FAM117A: variants seen among roughly 807,000 people sequenced by gnomAD.
FAM117A encodes protein FAM117A.
Under a neutral mutation model 44.1 loss-of-function variants are expected in FAM117A, and 21 were observed. The observed-to-expected ratio is 0.48, with a 90% CI of 0.34 to 0.69. The LOEUF is 0.69. FAM117A is among the 30% of genes least tolerant of loss of function. The pLI is 0.01. For missense variants in FAM117A, 498 were observed against 589.9 expected (o/e 0.84, Z 1.61); for synonymous variants, 220 against 238.3 (o/e 0.92, Z 0.71).
At chr17:49,713,949 G>A (rs966859645) in intron 7 of FAM117A, among the ~76,000 whole-genome samples, 2 of 152,252 alleles carry the variant, frequency 1.3e-5, no homozygotes, top group Middle Eastern at 3.4e-3. Context: ...AAGGCCTGGC[G>A]TCCTAGAGAC....
At chr17:49,751,991 C>G (rs911432087) in intron 1 of FAM117A, among the ~76,000 whole-genome samples, 9 of 149,480 alleles carry the variant, frequency 6.0e-5, no homozygotes, top group South Asian at 2.1e-4. Flanking sequence ...TGCAATGGCT[C>G]ACGCCTGCAA....
intron 2 of FAM117A, among the ~76,000 whole-genome samples, chr17:49,723,201 G>A (rs1360223671): frequency 2.0e-5 from 3 of 151,798 alleles, no homozygotes; most frequent in Non-Finnish European, 4.4e-5. Flanking sequence ...CTGCAAATAA[G>A]CAGGAAGGAG....
rs1332698633 is a variant in FAM117A, at chr17:49,732,385, AC to A, written c.366+165del. 8.8e-5 allele frequency: 56 copies of A among 634,462 alleles called. No individual in the cohort carries two copies. The East Asian group carries it at 1.6e-3, about 18-fold the overall frequency. 39.3% of individuals were successfully genotyped at this position (634,462 alleles called of 1,614,324 possible). On this transcript the variant is annotated intron_variant, in intron 2 of 7. Coordinates refer to ENST00000240364, the MANE Select transcript of FAM117A (RefSeq NM_030802.4). ...GCACCACTGCACTCCAGCCTGGGTG[AC>A]AAAAGGAAACTCTGTCTTAAGAAGA... is the stretch of plus-strand genomic sequence containing the variant.
chr17:49,715,602 T>A (rs1221204154), intron 7 of FAM117A, among the ~76,000 whole-genome samples: 2 of 152,168 alleles, frequency 1.3e-5, no homozygotes, highest in Non-Finnish European at 2.9e-5. Context: ...GGTTTGGAAA[T>A]TTTCCATAGT....
chr17:49,783,821 A>G (rs986783740), intron 1 of FAM117A, among the ~76,000 whole-genome samples: 3 of 152,240 alleles, frequency 2.0e-5, no homozygotes, highest in Non-Finnish European at 4.4e-5. Flanking sequence ...TAAAAGGCCA[A>G]GGCATGCTTC....
At chr17:49,715,712 AG>A (rs2073499204) in intron 7 of FAM117A, among the ~76,000 whole-genome samples, 1 of 152,184 alleles carries the variant, frequency 6.6e-6, no homozygotes, top group South Asian at 2.1e-4. Flanking sequence ...CAAACTGTTA[AG>A]CTGTTTAGGC....
At chr17:49,788,962 C>G (rs377390355), upstream of FAM117A, 1 of 977,274 alleles carries the variant, frequency 1.0e-6, no homozygotes. Context: ...CTCCCCCGAA[C>G]CTTGTTCAGC....
chr17:49,768,529 A>T (rs1000032162), upstream of FAM117A, among the ~76,000 whole-genome samples: 3 of 152,144 alleles, frequency 2.0e-5, no homozygotes, highest in Non-Finnish European at 4.4e-5. Context: ...AATAAAACAG[A>T]AAATAAGATG....
At chr17:49,778,026 T>C (rs1393416200) in intron 1 of FAM117A, among the ~76,000 whole-genome samples, 1 of 152,192 alleles carries the variant, frequency 6.6e-6, no homozygotes, top group Non-Finnish European at 1.5e-5. Flanking sequence ...TGGGAGCACA[T>C]GGTAATTGCC....
chr17:49,712,980 A>C (rs1156578627), intron 7 of FAM117A, among the ~76,000 whole-genome samples: 1 of 152,192 alleles, frequency 6.6e-6, no homozygotes. Flanking sequence ...AGGTGCAAGT[A>C]ATCCTCCTGC....
At chr17:49,742,163 T>A (rs1250204209) in intron 1 of FAM117A, among the ~76,000 whole-genome samples, 6 of 152,162 alleles carry the variant, frequency 3.9e-5, no homozygotes, top group African/African-American at 1.4e-4. Context: ...TGTACACACA[T>A]GAAAAACTTC....
In FAM117A at chr17:49,722,492, T is replaced by C. The variant is rs2073539661; in HGVS notation, c.462+7A>G. 1 of 1,612,442 alleles carries C rather than the reference T, an allele frequency of 6.2e-7. No homozygotes were observed. Among genetic ancestry groups the C allele is most frequent in the Non-Finnish European group, 8.5e-7 (1 of 1,179,190 alleles). On this transcript the variant is annotated splice_region_variant and intron_variant, in intron 3 of 7. Coordinates refer to ENST00000240364, the MANE Select transcript of FAM117A (RefSeq NM_030802.4). ...ACCCTAGGCAGGGAGTCAAAGTGGG[T>C]AGCTACCTCTTTTCGGTGGTCTGTG...
At chr17:49,778,463 A>G (rs1239369475) in intron 1 of FAM117A, among the ~76,000 whole-genome samples, 1 of 152,196 alleles carries the variant, frequency 6.6e-6, no homozygotes, top group East Asian at 1.9e-4. Context: ...ATGGATCATG[A>G]TTTCAGCCTC....
intron 1 of FAM117A, among the ~76,000 whole-genome samples, chr17:49,750,998 G>A (rs200039997): frequency 3.3e-5 from 5 of 151,956 alleles, no homozygotes; most frequent in African/African-American, 4.8e-5. Flanking sequence ...GAAAGGTTTC[G>A]GCTGGGTACA....
At chr17:49,738,418 G>C (rs1359058804) in intron 1 of FAM117A, among the ~76,000 whole-genome samples, 1 of 152,090 alleles carries the variant, frequency 6.6e-6, no homozygotes, top group Non-Finnish European at 1.5e-5. Context: ...GAAATAAAAA[G>C]GGGAAAAAAG....
At chr17:49,743,827 G>A (rs575373984) in intron 1 of FAM117A, among the ~76,000 whole-genome samples, 7 of 152,280 alleles carry the variant, frequency 4.6e-5, no homozygotes, top group South Asian at 2.1e-4. Flanking sequence ...CTACTTGGGA[G>A]GCTGAGGTTG....
At chr17:49,775,958 T>G (rs1309868918) in intron 1 of FAM117A, among the ~76,000 whole-genome samples, 1 of 152,168 alleles carries the variant, frequency 6.6e-6, no homozygotes. Flanking sequence ...CTTCTCCTGA[T>G]GAGAAACCAT....
chr17:49,711,267 G>A lies in FAM117A; in HGVS notation c.1350C>T (p.Ser450=), dbSNP rs758165487. ...PSEEPVLFQS[S]LMV ...AGGGGTGGGACCCTCAGACCATCAGGGAGCTCTGGAAAAGCACAGGCTCTT... is the reference window on the plus strand; with the variant it reads ...AGGGGTGGGACCCTCAGACCATCAGAGAGCTCTGGAAAAGCACAGGCTCTT... Residue 450 remains serine (S), a synonymous_variant, in exon 8 of 8, where the codon TCC becomes TCT. Coordinates refer to ENST00000240364, the MANE Select transcript of FAM117A (RefSeq NM_030802.4). The A allele has an allele frequency of 6.2e-7, 1 of 1,604,322 alleles. No homozygotes were observed.
chr17:49,726,113 G>A (rs1273409505), intron 2 of FAM117A, among the ~76,000 whole-genome samples: 1 of 152,182 alleles, frequency 6.6e-6, no homozygotes, highest in Non-Finnish European at 1.5e-5. Flanking sequence ...CATTTCTGTG[G>A]TATTAAGCCA....
Sources: allele counts gnomAD v4.1 joint callset (sites outside exome capture counted in the v4.1 genomes callset), GRCh38; gene constraint gnomAD v4.1.1; transcripts MANE v1.5; gene names NCBI Gene and HGNC (gene_info 2026-07-23, HGNC 2026-07-21).